The following SLC35A3 variants were observed in gnomAD, a reference collection of about 807,000 sequenced individuals.
SLC35A3 encodes the protein UDP-N-acetylglucosamine transporter.
Under a neutral mutation model 39.0 loss-of-function variants are expected in SLC35A3, and 26 were observed. That is an observed-to-expected ratio of 0.67 (90% CI 0.49 to 0.92). The LOEUF (loss-of-function observed/expected upper bound fraction) is 0.92. Among genes scored for constraint, SLC35A3 ranks in the 40% least tolerant of loss-of-function variants. The pLI is 0.00. For synonymous variants in SLC35A3, 135 were observed against 133.1 expected (o/e 1.01, Z -0.10); for missense variants, 299 against 371.6 (o/e 0.80, Z 1.61).
chr1:100,015,207 AAGTT>A (rs1402992637), intron 5 of SLC35A3, 91 bp from the exon 6 acceptor site: 6 of 1,194,072 alleles, frequency 5.0e-6, no homozygotes, highest in Non-Finnish European at 5.6e-6. Flanking sequence ...CAAAAAGAAA[AAGTT>A]AAGTGTAAAA....
chr1:99,977,556 AAGGGAGGAAGGG>A (rs200880166), intron 1 of SLC35A3, among the ~76,000 whole-genome samples: 1,671 of 119,224 alleles, frequency 0.014, 52 homozygotes, highest in African/African-American at 0.051. Context: ...AGGAAGGAGG[AAGGGAGGAAGGG>A]AGGGAGGAAG....
At chr1:100,019,826 C>T (rs1660408410) in intron 7 of SLC35A3, among the ~76,000 whole-genome samples, 1 of 152,198 alleles carries the variant, frequency 6.6e-6, no homozygotes, top group Non-Finnish European at 1.5e-5. Flanking sequence ...ATTCTATTGA[C>T]TGTTAGACAT....
intron 4 of SLC35A3, among the ~76,000 whole-genome samples, chr1:100,010,590 G>T (rs1236516013): frequency 6.6e-6 from 1 of 152,112 alleles, no homozygotes; most frequent in Non-Finnish European, 1.5e-5. Flanking sequence ...CTACTGGGGA[G>T]GCTAAGGTGG....
In SLC35A3 at chr1:100,014,252, G is replaced by A. The variant is rs999999046; in HGVS notation, c.635-1050G>A. ...TATTTATTTTTTTAGAGACAGTCTC[G>A]CTGTTTTGCTCAGACTGGAATGCAG... On this transcript the variant is annotated intron_variant, in intron 5 of 7. Coordinates refer to ENST00000533028, the MANE Select transcript of SLC35A3 (RefSeq NM_012243.3). Among the ~76,000 whole-genome samples, 9 of 152,016 alleles carry A rather than the reference G, an allele frequency of 5.9e-5. No individual in the cohort carries two copies. In the Middle Eastern group the frequency reaches 0.01, roughly 172 times the overall value.
intron 1 of SLC35A3, among the ~76,000 whole-genome samples, chr1:99,991,194 G>A (rs1037962750): frequency 6.6e-6 from 1 of 152,202 alleles, no homozygotes; most frequent in African/African-American, 2.4e-5. Flanking sequence ...CGTCCAGGCT[G>A]GAGTGCAGTG....
chr1:99,985,618 T>C (rs370334167), intron 1 of SLC35A3, among the ~76,000 whole-genome samples: 2 of 152,352 alleles, frequency 1.3e-5, no homozygotes, highest in East Asian at 1.9e-4. Flanking sequence ...TGCTGGCATT[T>C]TGATGGGAAT....
chr1:99,977,339 G>A (rs1418424438), intron 1 of SLC35A3, among the ~76,000 whole-genome samples: 2 of 127,834 alleles, frequency 1.6e-5, no homozygotes, highest in Non-Finnish European at 3.2e-5. Flanking sequence ...CGAACATCGC[G>A]AAACTCCGTC....
intron 1 of SLC35A3, among the ~76,000 whole-genome samples, chr1:99,984,642 C>G (rs1657646018): frequency 6.6e-6 from 1 of 152,152 alleles, no homozygotes; most frequent in South Asian, 2.1e-4. Context: ...ACTTTTAGTT[C>G]TTTAAGGAAT....
At chr1:100,016,549 AT>A (rs887472581) in intron 6 of SLC35A3, among the ~76,000 whole-genome samples, 2 of 147,294 alleles carry the variant, frequency 1.4e-5, no homozygotes, top group Non-Finnish European at 3.0e-5. Flanking sequence ...AATTTTTTGT[AT>A]TTTTAGTAGA....
chr1:100,011,382 G>A lies in SLC35A3; in HGVS notation c.483G>A (p.Gln161=), dbSNP rs370315911. The stretch of plus-strand genomic sequence containing the variant: ...TTATTTAGTGGCCCTCAGATTCTCA[G>A]CTTGATTCTAAGGAACTTTCAGCTG... ...VAFVQWPSDS[Q]LDSKELSAGS... Residue 161 remains glutamine (Q), a synonymous_variant, in exon 5 of 8, where the codon CAG becomes CAA. Transcript: ENST00000533028. 255 of 1,535,414 alleles carry A rather than the reference G, an allele frequency of 1.7e-4. No individual in the cohort carries two copies. Among genetic ancestry groups the A allele is most frequent in the Non-Finnish European group, 2.1e-4 (241 of 1,136,602 alleles).
intron 1 of SLC35A3, among the ~76,000 whole-genome samples, chr1:99,973,856 A>C (rs1656952689): frequency 6.6e-6 from 1 of 152,170 alleles, no homozygotes; most frequent in South Asian, 2.1e-4. Context: ...CTCTACTAAA[A>C]ATACAAAAAT....
At chr1:99,985,022 C>A (rs146720877) in intron 1 of SLC35A3, among the ~76,000 whole-genome samples, 1 of 152,052 alleles carries the variant, frequency 6.6e-6, no homozygotes, top group Non-Finnish European at 1.5e-5. Flanking sequence ...ATATTTTCTC[C>A]CACTCTGTGG....
intron 4 of SLC35A3, among the ~76,000 whole-genome samples, chr1:100,010,128 C>T (rs1002988960): frequency 3.3e-5 from 5 of 152,220 alleles, no homozygotes; most frequent in Admixed American, 1.3e-4. Context: ...TTAAATATAG[C>T]GATGACCCTA....
intron 2 of SLC35A3, among the ~76,000 whole-genome samples, chr1:99,996,855 A>T (rs527262639): frequency 1.3e-5 from 2 of 152,222 alleles, no homozygotes; most frequent in South Asian, 4.1e-4. Context: ...CCAGGTAGCA[A>T]TTTTAAAGTT....
At chr1:99,970,242 A>G in intron 1 of SLC35A3, 80 bp downstream of exon 1, 1 of 246,126 alleles carries the variant, frequency 4.1e-6, no homozygotes, top group Non-Finnish European at 7.8e-6. Context: ...CTCCTGGAGG[A>G]GGAGGAAGAG....
rs1232537961 is a variant in SLC35A3, at chr1:100,017,830, T to G, written c.887+15T>G. On this transcript the variant is annotated intron_variant, in intron 7 of 7. Transcript: ENST00000533028. The stretch of plus-strand genomic sequence containing the variant: ...GTGCCAACCAGGTAAAATGTTCTTT[T>G]CTATTTTTTTAAATCCCCAGAAGTA... 1.2e-5 allele frequency: 19 copies of G among 1,522,352 alleles called. No homozygotes were observed. The highest frequency in any genetic ancestry group is 1.7e-5 in the Non-Finnish European group (19 of 1,131,128). 94.3% of individuals were successfully genotyped at this position (1,522,352 alleles called of 1,614,324 possible).
chr1:99,973,488 A>G (rs945358083), intron 1 of SLC35A3, among the ~76,000 whole-genome samples: 17 of 152,192 alleles, frequency 1.1e-4, no homozygotes, highest in African/African-American at 4.1e-4. Context: ...TTTTATATAA[A>G]TTCGAGTGTT....
intron 3 of SLC35A3, among the ~76,000 whole-genome samples, chr1:100,000,399 G>A (rs1048878206): frequency 3.3e-5 from 5 of 151,768 alleles, no homozygotes; most frequent in Admixed American, 2.6e-4. Context: ...TGTTTATTGA[G>A]GTCCTTTGCC....
Position 100,011,356 on chromosome 1 carries a change from CT to C in SLC35A3, c.466-7del. 7.1e-7 allele frequency: 1 copy of C among 1,404,000 alleles called. No individual in the cohort carries two copies. Among genetic ancestry groups the C allele is most frequent in the Non-Finnish European group, 9.6e-7 (1 of 1,046,172 alleles). The allele number at this position is 1,404,000 out of a possible 1,614,324, so 87.0% of individuals were successfully genotyped here. On this transcript the variant is annotated splice_region_variant and splice_polypyrimidine_tract_variant and intron_variant, in intron 4 of 7. Transcript: ENST00000533028. ...ATTAAACTTCAATTTTATTTTTCTT[CT>C]TATTTAGTGGCCCTCAGATTCTCAG...
Sources: gnomAD v4.1 joint callset for allele counts (sites outside exome capture counted in the v4.1 genomes callset) on GRCh38, gnomAD v4.1.1 for gene constraint, MANE v1.5 for transcripts, NCBI Gene and HGNC (gene_info 2026-07-23, HGNC 2026-07-21) for gene names.